Variants in TEK observed in about 807,000 individuals in gnomAD.
The protein encoded by TEK is angiopoietin-1 receptor.
A neutral mutation model predicts 131.8 loss-of-function variants in TEK; 43 were observed. That is an observed-to-expected ratio of 0.33 (90% CI 0.26 to 0.42). The LOEUF (loss-of-function observed/expected upper bound fraction) is 0.42. Ranked by LOEUF, TEK falls within the 10% of genes least tolerant of loss-of-function variation. The pLI is 1.00. For missense variants in TEK, 1,162 were observed against 1,384.4 expected, an observed-to-expected ratio of 0.84 and a Z score of 2.55; for synonymous variants, 580 against 491.6, an observed-to-expected ratio of 1.18 and a Z score of -2.38.
chr9:27,155,724 G>GT (rs556233663), intron 1 of TEK, among the ~76,000 whole-genome samples: 6 of 151,396 alleles, frequency 4.0e-5, no homozygotes, highest in Admixed American at 3.9e-4. Flanking sequence ...AAATTGTAAT[G>GT]TTTTTTTCCC....
At chr9:27,116,354 T>C (rs563724509) in intron 1 of TEK, among the ~76,000 whole-genome samples, 5 of 152,264 alleles carry the variant, frequency 3.3e-5, no homozygotes, top group African/African-American at 9.6e-5. Context: ...AGTGGCACGA[T>C]CTTGGCTCGC....
At chr9:27,213,211 A>C (rs1825697803) in intron 17 of TEK, among the ~76,000 whole-genome samples, 2 of 152,148 alleles carry the variant, frequency 1.3e-5, no homozygotes, top group South Asian at 2.1e-4. Context: ...CCTCTAAATA[A>C]TGTGTAATAA....
chr9:27,201,730 C>T (rs558931), intron 12 of TEK, among the ~76,000 whole-genome samples: 15,589 of 152,178 alleles, frequency 0.1, 918 homozygotes, highest in Non-Finnish European at 0.13. Flanking sequence ...CCTTGAGATA[C>T]TTCTCAAAGG....
At chr9:27,164,509 T>C (rs1823657628) in intron 2 of TEK, among the ~76,000 whole-genome samples, 1 of 151,922 alleles carries the variant, frequency 6.6e-6, no homozygotes, top group Non-Finnish European at 1.5e-5. Flanking sequence ...TTAGTAGAGA[T>C]GGAGTTTCAA....
chr9:27,220,962 C>T (rs1826047888), intron 21 of TEK, among the ~76,000 whole-genome samples: 1 of 152,280 alleles, frequency 6.6e-6, no homozygotes. Flanking sequence ...GGGGCTGAAG[C>T]CAGGGAGCCA....
rs544366890 is a variant in TEK at position 27,121,795 on chromosome 9, T to C, written c.52+12153T>C. Among the ~76,000 whole-genome samples the C allele has an allele frequency of 3.3e-5, 5 of 152,332 alleles. No individual in the cohort carries two copies. In the East Asian group the frequency reaches 9.6e-4, roughly 29 times the overall value. On this transcript the variant is annotated intron_variant, in intron 1 of 22. Coordinates refer to ENST00000380036, the MANE Select transcript of TEK (RefSeq NM_000459.5). ...TGAATGAATGCAATTTGAGAGACACTGCTATAACCAGATGAGTTAGCCACT... is the reference window on the plus strand; with the variant it reads ...TGAATGAATGCAATTTGAGAGACACCGCTATAACCAGATGAGTTAGCCACT...
intron 7 of TEK, among the ~76,000 whole-genome samples, chr9:27,182,145 T>C (rs1396333811): frequency 6.6e-6 from 1 of 152,170 alleles, no homozygotes; most frequent in Non-Finnish European, 1.5e-5. Context: ...TTTTGTGCTT[T>C]GTTCCTTCCC....
chr9:27,207,792 TA>T (rs1459098776), intron 15 of TEK, among the ~76,000 whole-genome samples: 1 of 152,222 alleles, frequency 6.6e-6, no homozygotes, highest in Non-Finnish European at 1.5e-5. Context: ...GAATTACCTC[TA>T]AATCTTATTA....
intron 3 of TEK, 112 bp downstream of exon 3, chr9:27,168,717 C>T (rs1288738797): frequency 1.1e-5 from 9 of 817,280 alleles, no homozygotes; most frequent in Non-Finnish European, 1.6e-5. Flanking sequence ...TGAATTAAAG[C>T]TGCTATGATG....
intron 1 of TEK, among the ~76,000 whole-genome samples, chr9:27,129,749 C>T (rs1364044820): frequency 6.6e-6 from 1 of 152,188 alleles, no homozygotes; most frequent in Non-Finnish European, 1.5e-5. Context: ...TTATTCCTGA[C>T]AGAATAAGCA....
At chr9:27,225,528 G>C (rs1326740833) in intron 21 of TEK, among the ~76,000 whole-genome samples, 2 of 152,140 alleles carry the variant, frequency 1.3e-5, no homozygotes, top group Non-Finnish European at 2.9e-5. Context: ...GGGAAAACTG[G>C]CTAGCCATAT....
chr9:27,129,870 A>G (rs1231645496), intron 1 of TEK, among the ~76,000 whole-genome samples: 2 of 152,158 alleles, frequency 1.3e-5, no homozygotes, highest in Non-Finnish European at 2.9e-5. Context: ...CACTAAACTG[A>G]TGGCTTTGGG....
At chr9:27,168,819 G>C (rs1478825104) in intron 3 of TEK, among the ~76,000 whole-genome samples, 1 of 152,214 alleles carries the variant, frequency 6.6e-6, no homozygotes, top group Non-Finnish European at 1.5e-5. Flanking sequence ...ATATATGAAT[G>C]TACATGGTGT....
intron 2 of TEK, among the ~76,000 whole-genome samples, chr9:27,158,543 C>T (rs533813610): frequency 6.6e-6 from 1 of 152,052 alleles, no homozygotes; most frequent in Admixed American, 6.5e-5. Context: ...TCCCTAAATA[C>T]CCTTAATGGA....
intron 13 of TEK, 40 bp downstream of exon 13, chr9:27,203,159 C>T (rs377465415): frequency 1.2e-6 from 2 of 1,606,744 alleles, no homozygotes; most frequent in East Asian, 2.2e-5. Flanking sequence ...GATTACCGTG[C>T]AGCCCTATAG....
At chr9:27,129,785 C>T (rs996904568) in intron 1 of TEK, among the ~76,000 whole-genome samples, 7 of 152,106 alleles carry the variant, frequency 4.6e-5, no homozygotes, top group African/African-American at 1.7e-4. Context: ...ACGCATGATC[C>T]ATGGTTTCTG....
intron 2 of TEK, among the ~76,000 whole-genome samples, chr9:27,160,579 T>A (rs1277292342): frequency 6.6e-6 from 1 of 152,158 alleles, no homozygotes; most frequent in Non-Finnish European, 1.5e-5. Flanking sequence ...GGACCACGCT[T>A]TGAGTAGCAG....
Position 27,183,615 on chromosome 9 carries a change from G to A in TEK, c.1182+5G>A. The A allele has an allele frequency of 6.2e-7, 1 of 1,613,800 alleles. No homozygotes were observed. The highest frequency in any genetic ancestry group is 1.1e-5 in the South Asian group (1 of 91,076). On this transcript the variant is annotated splice_donor_5th_base_variant and intron_variant, in intron 8 of 22. Coordinates refer to ENST00000380036, the MANE Select transcript of TEK (RefSeq NM_000459.5). The stretch of plus-strand genomic sequence containing the variant: ...CCGGATGGGACAGTGCTCCATGTAA[G>A]AGCCATTCTTAATTTGCCCTTCTTA...
At chr9:27,126,410 G>A (rs957160542) in intron 1 of TEK, among the ~76,000 whole-genome samples, 5 of 152,220 alleles carry the variant, frequency 3.3e-5, no homozygotes, top group African/African-American at 9.6e-5. Context: ...CTTGTTTATA[G>A]TATGAGGGCT....
Sources: allele counts gnomAD v4.1 joint callset (sites outside exome capture counted in the v4.1 genomes callset), GRCh38; gene constraint gnomAD v4.1.1; transcripts MANE v1.5; gene names NCBI Gene and HGNC (gene_info 2026-07-23, HGNC 2026-07-21).